RBM19: variants seen among roughly 807,000 people sequenced by gnomAD.
RBM19 encodes the protein RNA binding motif protein 19.
In RBM19, 94 loss-of-function variants were observed where a neutral mutation model predicts 116.8. That is an observed-to-expected ratio of 0.80 (90% CI 0.68 to 0.95). RBM19 has a LOEUF of 0.95. Ranked by LOEUF, RBM19 falls within the 40% of genes least tolerant of loss-of-function variation. The pLI is 0.00. For missense variants in RBM19, 1,161 were observed against 1,220.7 expected (o/e 0.95, Z 0.73); for synonymous variants, 475 against 494.1 (o/e 0.96, Z 0.51).
chr12:113,854,646 C>T (rs1877735888), intron 22 of RBM19, among the ~76,000 whole-genome samples: 1 of 152,158 alleles, frequency 6.6e-6, no homozygotes, highest in South Asian at 2.1e-4. Flanking sequence ...TATGCCAGCT[C>T]ATCGATCCTG....
chr12:113,942,831 G>T (rs142042676), intron 13 of RBM19, among the ~76,000 whole-genome samples: 226 of 152,242 alleles, frequency 1.5e-3, no homozygotes, highest in African/African-American at 5.2e-3. Flanking sequence ...GGCTGATCTT[G>T]AACTGCTAGG....
rs764232449 is a variant in RBM19, at chr12:113,959,730, T to G, written c.378+135A>C. 1.3e-4 allele frequency: 146 copies of G among 1,125,370 alleles called. 1 individual carries two copies. Among genetic ancestry groups the G allele is most frequent in the Non-Finnish European group, 1.8e-4 (140 of 771,334 alleles). The allele number at this position is 1,125,370 out of a possible 1,614,324, so 69.7% of individuals were successfully genotyped here. A position where few individuals can be genotyped will look rare whatever the true frequency, so the allele number is the denominator to read the frequency against. On this transcript the variant is annotated intron_variant, in intron 4 of 23. Transcript: ENST00000261741. ...GTCCACCCTCTCCAGCCTCTTCCCT[T>G]TCCTAGCCTCCACCCTCTCCAGCCT...
intron 1 of RBM19, among the ~76,000 whole-genome samples, chr12:113,965,897 G>A (rs1872826464): frequency 2.0e-5 from 3 of 152,330 alleles, no homozygotes; most frequent in South Asian, 2.1e-4. Context: ...TCGAATGAAA[G>A]AGGTTGTGGG....
chr12:113,864,827 T>C (rs966853756), intron 21 of RBM19, among the ~76,000 whole-genome samples: 19 of 152,184 alleles, frequency 1.2e-4, no homozygotes, highest in Admixed American at 6.5e-4. Flanking sequence ...GCTAATCCAA[T>C]CAGTCTGGTG....
intron 21 of RBM19, among the ~76,000 whole-genome samples, chr12:113,904,723 C>A (rs991589507): frequency 3.3e-5 from 5 of 152,142 alleles, no homozygotes; most frequent in African/African-American, 9.7e-5. Context: ...AGGCACACAA[C>A]CTTGGCATCA....
chr12:113,949,898 G>A (rs991270158), intron 9 of RBM19, among the ~76,000 whole-genome samples, 185 bp downstream of exon 9: 2 of 152,114 alleles, frequency 1.3e-5, no homozygotes, highest in Non-Finnish European at 2.9e-5. Context: ...CTCTCTGTCA[G>A]CCCCGAAAGG....
At chr12:113,941,819 A>G (rs147403302) in intron 14 of RBM19, among the ~76,000 whole-genome samples, 20 of 152,260 alleles carry the variant, frequency 1.3e-4, no homozygotes, top group Non-Finnish European at 2.8e-4. Flanking sequence ...TCACATATAG[A>G]CTGTTTGACC....
At chr12:113,965,520 C>CA (rs150341104) in intron 1 of RBM19, among the ~76,000 whole-genome samples, 16,017 of 151,878 alleles carry the variant, frequency 0.11, 1,069 homozygotes, top group African/African-American at 0.17. Context: ...CATTTAAAAA[C>CA]AAAAAAACAA....
chr12:113,858,694 G>A, intron 22 of RBM19, 97 bp downstream of exon 22: 1 of 1,134,660 alleles, frequency 8.8e-7, no homozygotes, highest in East Asian at 2.4e-5. Context: ...TGCATGGGGA[G>A]GTGACTCTGT....
At chr12:113,850,849 G>A (rs989227720) in intron 22 of RBM19, among the ~76,000 whole-genome samples, 2 of 152,244 alleles carry the variant, frequency 1.3e-5, no homozygotes, top group Admixed American at 1.3e-4. Context: ...TAACAAGGAC[G>A]ACATCAACCC....
At chr12:113,918,536 G>T in intron 19 of RBM19, 89 bp from the exon 20 acceptor site, 1 of 1,353,348 alleles carries the variant, frequency 7.4e-7, no homozygotes, top group Non-Finnish European at 1.0e-6. Flanking sequence ...GCCCTGGCTC[G>T]CAGATGGGAG....
chr12:113,924,242 C>A (rs577466548), intron 18 of RBM19, among the ~76,000 whole-genome samples: 1 of 152,134 alleles, frequency 6.6e-6, no homozygotes, highest in African/African-American at 2.4e-5. Flanking sequence ...GTTAATGACT[C>A]GGTAGAACGT....
At chr12:113,869,055 TTG>T (rs1879037975) in intron 21 of RBM19, among the ~76,000 whole-genome samples, 1 of 152,120 alleles carries the variant, frequency 6.6e-6, no homozygotes, top group Admixed American at 6.5e-5. Context: ...ATGGGAACTG[TTG>T]TGAGTAATGT....
At chr12:113,824,330 A>G (rs567683193) in intron 23 of RBM19, among the ~76,000 whole-genome samples, 1 of 152,330 alleles carries the variant, frequency 6.6e-6, no homozygotes, top group South Asian at 2.1e-4. Context: ...CTCGGGTTCT[A>G]GGCAGAGAAC....
chr12:113,935,863 G>A (rs1870008923), intron 16 of RBM19, among the ~76,000 whole-genome samples: 2 of 151,990 alleles, frequency 1.3e-5, no homozygotes, highest in South Asian at 2.1e-4. Flanking sequence ...GTGAAACCCC[G>A]TCTCTACCAA....
chr12:113,911,373 A>G (rs142667911), intron 21 of RBM19, among the ~76,000 whole-genome samples: 238 of 152,298 alleles, frequency 1.6e-3, no homozygotes, highest in Non-Finnish European at 3.0e-3. Context: ...GCCTTCCTTT[A>G]CAGAAGAAAA....
intron 17 of RBM19, among the ~76,000 whole-genome samples, 157 bp downstream of exon 17, chr12:113,926,897 C>A (rs1438704696): frequency 1.3e-5 from 2 of 152,198 alleles, no homozygotes; most frequent in Non-Finnish European, 2.9e-5. Context: ...CTACTGGACA[C>A]CCCAGGGGAA....
In RBM19 at chr12:113,957,767, G is replaced by A. The variant is rs563795186; in HGVS notation, c.840+15C>T. On this transcript the variant is annotated intron_variant, in intron 6 of 23. Transcript: ENST00000261741. ...GCGCACCTCCTCCCTCATCACCTGCGGGATACACACGCACCTCGGCTCTGG... is the reference window on the plus strand; with the variant it reads ...GCGCACCTCCTCCCTCATCACCTGCAGGATACACACGCACCTCGGCTCTGG... 3 of 1,559,248 alleles carry A rather than the reference G, an allele frequency of 1.9e-6. No individual in the cohort carries two copies. The highest frequency in any genetic ancestry group is 2.7e-5 in the African/African-American group (2 of 73,308).
At chr12:113,965,150 G>A (rs755150393) in intron 1 of RBM19, among the ~76,000 whole-genome samples, 18 of 151,960 alleles carry the variant, frequency 1.2e-4, no homozygotes, top group Non-Finnish European at 2.1e-4. Context: ...GCGCGTGTCT[G>A]TAGTCCCAGC....
Sources: gnomAD v4.1 joint callset for allele counts (sites outside exome capture counted in the v4.1 genomes callset) on GRCh38, gnomAD v4.1.1 for gene constraint, MANE v1.5 for transcripts, NCBI Gene and HGNC (gene_info 2026-07-23, HGNC 2026-07-21) for gene names.